NCDN: variants seen among roughly 807,000 people sequenced by gnomAD.
NCDN encodes the protein norbin.
A neutral mutation model predicts 60.7 loss-of-function variants in NCDN; 9 were observed. The ratio of observed to expected loss-of-function variants is 0.15; its 90% confidence interval spans 0.09 to 0.26. NCDN has a LOEUF of 0.26. Among genes scored for constraint, NCDN ranks in the 10% least tolerant of loss-of-function variants. The probability of loss-of-function intolerance (pLI) is 1.00; values close to 1 mark genes in which losing one functional copy is unlikely to be tolerated. For synonymous variants in NCDN, 409 were observed against 442.5 expected (o/e 0.92, Z 0.95); for missense variants, 578 against 975.2 (o/e 0.59, Z 5.42).
chr1:35,563,840 A>G lies in NCDN; in HGVS notation c.1684A>G (p.Arg562Gly), dbSNP rs764383759. The stretch of plus-strand genomic sequence containing the variant: ...ACCAGCACTAGTGCAGCAACAGGGA[A>G]GGCTGCTTCTGGCTGCTAATGTGGC... The part of the protein sequence containing the change: ...SLPALVQQQG[R>G]LLLAANVATL... The change falls in exon 6 of 7, where the codon AGG (arginine) becomes GGG (glycine). Residue 562 changes from arginine (R) to glycine (G), a missense_variant. Arg to Gly is a moderately radical substitution (Grantham distance 125). Transcript: ENST00000373243. The surrounding 1 kb of genome is among the most constrained non-coding windows in gnomAD (Gnocchi z 6.6). 3 of 1,614,096 alleles carry G rather than the reference A, an allele frequency of 1.9e-6. No individual in the cohort carries two copies. Among genetic ancestry groups the G allele is most frequent in the East Asian group, 2.2e-5 (1 of 44,866 alleles).
rs966413043 is a variant in NCDN, at chr1:35,560,196, A to G, written c.175-130A>G. Reference sequence around the variant, plus strand: ...CCTCTAAGGAGAAAAAAGGAGCTGGATGAAATGACCTCAGATGAGTCCTGT... The same window carrying G: ...CCTCTAAGGAGAAAAAAGGAGCTGGGTGAAATGACCTCAGATGAGTCCTGT... On this transcript the variant is annotated intron_variant, in intron 2 of 6. Transcript: ENST00000373243. This position sits in a 1 kb window ranked among gnomAD's most constrained non-coding sequence, Gnocchi z 7.6. 2 of 1,250,448 alleles carry G rather than the reference A, an allele frequency of 1.6e-6. No homozygotes were observed. Among genetic ancestry groups the G allele is most frequent in the Non-Finnish European group, 2.2e-6 (2 of 903,822 alleles). 77.5% of individuals were successfully genotyped at this position (1,250,448 alleles called of 1,614,324 possible).
At position 35,563,816 on chromosome 1, in the gene NCDN, C is replaced by T; in HGVS notation, c.1660C>T (p.Pro554Ser). 1 of 1,614,124 alleles carries T rather than the reference C, an allele frequency of 6.2e-7. No homozygotes were observed. The highest frequency in any genetic ancestry group is 8.5e-7 in the Non-Finnish European group (1 of 1,180,026). Residue 554 changes from proline (P) to serine (S), a missense_variant, in exon 6 of 7, where the codon CCA becomes TCA. Pro to Ser is a moderately conservative substitution (Grantham distance 74). Coordinates refer to ENST00000373243, the MANE Select transcript of NCDN (RefSeq NM_014284.3). The surrounding 1 kb of genome is among the most constrained non-coding windows in gnomAD (Gnocchi z 6.6). ...AATGAACACCCTCATGACGTCGCTA[C>T]CAGCACTAGTGCAGCAACAGGGAAG... is the stretch of plus-strand genomic sequence containing the variant. ...SLMNTLMTSL[P>S]ALVQQQGRLL...
intron 1 of NCDN, 47 bp from the exon 2 acceptor site, chr1:35,559,060 C>A (rs773721866): frequency 6.9e-7 from 1 of 1,458,562 alleles, no homozygotes; most frequent in South Asian, 1.3e-5. Context: ...CACCCCACCC[C>A]CGTCCCTCCT....
chr1:35,563,211 G>T lies in NCDN; in HGVS notation c.1395G>T (p.Leu465=). The change falls in exon 5 of 7, where the codon CTG becomes CTT. Residue 465 remains leucine (L), a synonymous_variant. Coordinates refer to ENST00000373243, the MANE Select transcript of NCDN (RefSeq NM_014284.3). The surrounding 1 kb of genome is among the most constrained non-coding windows in gnomAD (Gnocchi z 6.6). ...TWPGDALRLL[L]PGWCHLTVED... ...CCTTCCACATCCCCAGGCTCCTCCT[G>T]CCTGGCTGGTGCCACCTGACCGTTG... The T allele has an allele frequency of 6.2e-7, 1 of 1,612,690 alleles. No individual in the cohort carries two copies. The highest frequency in any genetic ancestry group is 1.1e-5 in the South Asian group (1 of 91,036).
Position 35,560,256 on chromosome 1 carries a change from A to G in NCDN, c.175-70A>G, listed in dbSNP as rs2148537281. 6.5e-7 allele frequency: 1 copy of G among 1,542,478 alleles called. No homozygotes were observed. The highest frequency in any genetic ancestry group is 8.8e-7 in the Non-Finnish European group (1 of 1,142,370). Reference sequence around the variant, plus strand: ...TCATCTTGCTAGTCCTCAGTGCCCCAGGATGCAGGAGAGGGACAGTCTTTC... The same window carrying G: ...TCATCTTGCTAGTCCTCAGTGCCCCGGGATGCAGGAGAGGGACAGTCTTTC... On this transcript the variant is annotated intron_variant, in intron 2 of 6. Transcript: ENST00000373243. This position sits in a 1 kb window ranked among gnomAD's most constrained non-coding sequence, Gnocchi z 7.6.
In NCDN at chr1:35,558,214, G is replaced by T; in HGVS notation, c.24G>T (p.Ala8=). The change falls in exon 1 of 7, where the codon GCG becomes GCT. Residue 8 remains alanine (A), a synonymous_variant. Transcript: ENST00000373243. The surrounding 1 kb of genome is among the most constrained non-coding windows in gnomAD (Gnocchi z 6.3). ...CAATGTCGTGTTGTGACCTGGCTGC[G>T]GCGGGACAGGTGGTGACCGCCAGGA... MSCCDLA[A]AGQLGKASIM... is the part of the protein sequence containing the mutation. 1 of 1,613,990 alleles carries T rather than the reference G, an allele frequency of 6.2e-7. No individual in the cohort carries two copies. The highest frequency in any genetic ancestry group is 1.3e-5 in the African/African-American group (1 of 74,982).
In NCDN at chr1:35,562,382, G is replaced by A; in HGVS notation, c.1144-10G>A. The A allele has an allele frequency of 1.2e-6, 2 of 1,613,132 alleles. No individual in the cohort carries two copies. On this transcript the variant is annotated splice_polypyrimidine_tract_variant and intron_variant, in intron 3 of 6. Coordinates refer to ENST00000373243, the MANE Select transcript of NCDN (RefSeq NM_014284.3). This position sits in a 1 kb window ranked among gnomAD's most constrained non-coding sequence, Gnocchi z 6.8. The stretch of plus-strand genomic sequence containing the variant: ...TCCTGCTCCATCTCAAGGGGGTCCT[G>A]TGGCAACAGGTGGGGTCAGAGAAGC...
Position 35,565,850 on chromosome 1 carries a change from C to T in NCDN, c.*187C>T, listed in dbSNP as rs1194192429. The T allele has an allele frequency of 1.6e-6, 1 of 639,698 alleles. No homozygotes were observed. Among genetic ancestry groups the T allele is most frequent in the Non-Finnish European group, 2.6e-6 (1 of 381,800 alleles). 39.6% of individuals were successfully genotyped at this position (639,698 alleles called of 1,614,324 possible). ...TCAAGTGTAAGGAACTGCGTTCCGC[C>T]CCTCAGGCCCCCATGGGGGCAGGGA... On this transcript the variant is annotated 3_prime_UTR_variant, in exon 7 of 7. Transcript: ENST00000373243. This position sits in a 1 kb window ranked among gnomAD's most constrained non-coding sequence, Gnocchi z 8.9.
chr1:35,565,328 G>A lies in NCDN; in HGVS notation c.1855G>A (p.Val619Met). Residue 619 changes from valine to methionine, a missense_variant, in exon 7 of 7, where the codon GTG (valine) becomes ATG (methionine). This residue lies in a region of NCDN where 191 missense variants were observed against 372.1 expected (regional missense o/e 0.51). Coordinates refer to ENST00000373243, the MANE Select transcript of NCDN (RefSeq NM_014284.3). This position sits in a 1 kb window ranked among gnomAD's most constrained non-coding sequence, Gnocchi z 8.9. ...GGCCACCCCGGGCTCAGACCAGGCA[G>A]TGCTAGCCCTGTCCCCTGAGTATGA... is the stretch of plus-strand genomic sequence containing the variant. ...ARATPGSDQAVLALSPEYEGI... is the reference protein window; with the variant it reads ...ARATPGSDQAMLALSPEYEGI... The A allele has an allele frequency of 6.2e-7, 1 of 1,614,058 alleles. No homozygotes were observed. The highest frequency in any genetic ancestry group is 1.7e-5 in the Admixed American group (1 of 60,026).
At position 35,558,619 on chromosome 1, in the gene NCDN, G is replaced by A. The variant is rs952888271; in HGVS notation, c.33+396G>A. 6 of 1,172,682 alleles carry A rather than the reference G, an allele frequency of 5.1e-6. No homozygotes were observed. The highest frequency in any genetic ancestry group is 6.4e-6 in the Non-Finnish European group (6 of 944,316). The allele number at this position is 1,172,682 out of a possible 1,614,324, so 72.6% of individuals were successfully genotyped here. A position where few individuals can be genotyped will look rare whatever the true frequency, so the allele number is the denominator to read the frequency against. On this transcript the variant is annotated intron_variant, in intron 1 of 6. Transcript: ENST00000373243. This position sits in a 1 kb window ranked among gnomAD's most constrained non-coding sequence, Gnocchi z 6.3. ...ATCTCTGCCTCTGAAGAAGGGAGGG[G>A]AAAGGAAGCCTGGGGTGTCCTTTTC...
rs951644423 is a variant in NCDN, at chr1:35,561,870, G to A, written c.1144-522G>A. Among the ~76,000 whole-genome samples, 1 of 151,988 alleles carries A rather than the reference G, an allele frequency of 6.6e-6. No homozygotes were observed. The highest frequency in any genetic ancestry group is 1.5e-5 in the Non-Finnish European group (1 of 68,012). On this transcript the variant is annotated intron_variant, in intron 3 of 6. Coordinates refer to ENST00000373243, the MANE Select transcript of NCDN (RefSeq NM_014284.3). This position sits in a 1 kb window ranked among gnomAD's most constrained non-coding sequence, Gnocchi z 4.9. ...TCTTTAATGGCCTGCTCCAGCCACC[G>A]AGCTCACCAGCCATATATTCCATGC...
In NCDN at chr1:35,565,564, C is replaced by G; in HGVS notation, c.2091C>G (p.Ala697=). The change falls in exon 7 of 7, where the codon GCC becomes GCG. Residue 697 remains alanine, a synonymous_variant. Transcript: ENST00000373243. The surrounding 1 kb of genome is among the most constrained non-coding windows in gnomAD (Gnocchi z 8.9). ...YQGVLVELAR[A]NRLCREAMRL... is the part of the protein sequence containing the mutation. ...GTGTCCTGGTGGAGCTGGCGCGGGC[C>G]AACCGGCTGTGCCGGGAGGCCATGA... 6.4e-7 allele frequency: 1 copy of G among 1,564,994 alleles called. No homozygotes were observed. The highest frequency in any genetic ancestry group is 8.6e-7 in the Non-Finnish European group (1 of 1,157,686).
Position 35,561,563 on chromosome 1 carries a change from A to T in NCDN, c.1143+269A>T, listed in dbSNP as rs577838951. On this transcript the variant is annotated intron_variant, in intron 3 of 6. Transcript: ENST00000373243. The surrounding 1 kb of genome is among the most constrained non-coding windows in gnomAD (Gnocchi z 4.9). ...CACACAACACAGTAACCTCCCACTC[A>T]AACGCTCCCCCCAATACACACACAC... Among the ~76,000 whole-genome samples, 1 of 151,830 alleles carries T rather than the reference A, an allele frequency of 6.6e-6. No individual in the cohort carries two copies.
Position 35,561,822 on chromosome 1 carries a change from G to T in NCDN, c.1143+528G>T, listed in dbSNP as rs1394062440. Among the ~76,000 whole-genome samples, 1 of 152,130 alleles carries T rather than the reference G, an allele frequency of 6.6e-6. No individual in the cohort carries two copies. Among genetic ancestry groups the T allele is most frequent in the African/African-American group, 2.4e-5 (1 of 41,424 alleles). On this transcript the variant is annotated intron_variant, in intron 3 of 6. Transcript: ENST00000373243. The surrounding 1 kb of genome is among the most constrained non-coding windows in gnomAD (Gnocchi z 4.9). ...GAGAGGCCAGCTGTCCTGTCCCACA[G>T]GGATTCAGTCATGACTCTGGTCTCT... is the stretch of plus-strand genomic sequence containing the variant.
At position 35,566,629 on chromosome 1, in the gene NCDN, CCACACACACACACACACA is replaced by C. The variant is rs56974171; in HGVS notation, c.*1000_*1017del. The stretch of plus-strand genomic sequence containing the variant: ...TACCTTTCTTATAAACCCAGGGGGA[CCACACACACACACACACA>C]CACACACACACACACACACACACAC... On this transcript the variant is annotated 3_prime_UTR_variant, in exon 7 of 7. Transcript: ENST00000373243. The surrounding 1 kb of genome is among the most constrained non-coding windows in gnomAD (Gnocchi z 5.3). The C allele has an allele frequency of 4.9e-4, 132 of 270,442 alleles. No homozygotes were observed. Among genetic ancestry groups the C allele is most frequent in the South Asian group, 1.4e-3 (50 of 35,792 alleles). 16.8% of individuals were successfully genotyped at this position (270,442 alleles called of 1,614,324 possible).
In NCDN at chr1:35,560,309, G is replaced by A. The variant is rs1481205867; in HGVS notation, c.175-17G>A. ...ACTTCTTCCTTTCATCCTGATGATAGCACATACCCCCTATAGGTGACCAAG... is the reference window on the plus strand; with the variant it reads ...ACTTCTTCCTTTCATCCTGATGATAACACATACCCCCTATAGGTGACCAAG... On this transcript the variant is annotated splice_polypyrimidine_tract_variant and intron_variant, in intron 2 of 6. Coordinates refer to ENST00000373243, the MANE Select transcript of NCDN (RefSeq NM_014284.3). The surrounding 1 kb of genome is among the most constrained non-coding windows in gnomAD (Gnocchi z 7.6). 8 of 1,606,928 alleles carry A rather than the reference G, an allele frequency of 5.0e-6. No homozygotes were observed. The highest frequency in any genetic ancestry group is 6.8e-6 in the Non-Finnish European group (8 of 1,176,918).
Position 35,566,676 on chromosome 1 carries a change from CA to C in NCDN, c.*1014del, listed in dbSNP as rs1424477915. ...ACACACACACACACACACACACACA[CA>C]CACTCTTGATCCCTTGCTTCCCTCC... On this transcript the variant is annotated 3_prime_UTR_variant, in exon 7 of 7. Transcript: ENST00000373243. This position sits in a 1 kb window ranked among gnomAD's most constrained non-coding sequence, Gnocchi z 5.3. The C allele has an allele frequency of 2.4e-6, 1 of 418,280 alleles. No individual in the cohort carries two copies. The highest frequency in any genetic ancestry group is 2.1e-5 in the African/African-American group (1 of 47,822). The allele number at this position is 418,280 out of a possible 1,614,324, so 25.9% of individuals were successfully genotyped here.
Position 35,557,939 on chromosome 1 carries a change from C to T in NCDN, c.-252C>T. On this transcript the variant is annotated 5_prime_UTR_variant, in exon 1 of 7. Coordinates refer to ENST00000373243, the MANE Select transcript of NCDN (RefSeq NM_014284.3). ...GCATCCCAGCCGGGGCCTCTCCGAG[C>T]CGGCGCTGATCGATGCCGACACACC... The T allele has an allele frequency of 1.6e-6, 1 of 636,440 alleles. No individual in the cohort carries two copies. The highest frequency in any genetic ancestry group is 2.8e-5 in the East Asian group (1 of 35,708). 39.4% of individuals were successfully genotyped at this position (636,440 alleles called of 1,614,324 possible). A position where few individuals can be genotyped will look rare whatever the true frequency, so the allele number is the denominator to read the frequency against.
In NCDN at chr1:35,562,358, C is replaced by T. The variant is rs146217420; in HGVS notation, c.1144-34C>T. On this transcript the variant is annotated intron_variant, in intron 3 of 6. Transcript: ENST00000373243. This position sits in a 1 kb window ranked among gnomAD's most constrained non-coding sequence, Gnocchi z 6.8. ...TGGCAAGGCAGGGAGGGTCCCTGGT[C>T]CTGCTCCATCTCAAGGGGGTCCTGT... 1.6e-5 allele frequency: 26 copies of T among 1,608,026 alleles called. No individual in the cohort carries two copies. The East Asian group carries it at 5.6e-4, about 35-fold the overall frequency.
Sources: gnomAD v4.1 joint callset for allele counts (sites outside exome capture counted in the v4.1 genomes callset) on GRCh38, gnomAD v4.1.1 for gene constraint, gnomAD v4.1.1 regional missense constraint, Gnocchi (gnomAD v3.1) non-coding constraint, MANE v1.5 for transcripts, NCBI Gene and HGNC (gene_info 2026-07-23, HGNC 2026-07-21) for gene names.